MGMT: variants seen among roughly 807,000 people sequenced by gnomAD.
The protein encoded by MGMT is methylated-DNA--protein-cysteine methyltransferase.
In MGMT, 14 loss-of-function variants were observed where a neutral mutation model predicts 15.9. The ratio of observed to expected loss-of-function variants is 0.88; its 90% CI spans 0.58 to 1.37. MGMT has a LOEUF of 1.37. MGMT is among the 40% of genes most tolerant of loss of function. The pLI is 0.00. For synonymous variants in MGMT, 130 were observed against 118.2 expected, an observed-to-expected ratio of 1.10 and a Z score of -0.65; for missense variants, 282 against 268.1, an observed-to-expected ratio of 1.05 and a Z score of -0.36.
intron 4 of MGMT, among the ~76,000 whole-genome samples, chr10:129,760,132 G>A (rs1019116478): frequency 1.2e-4 from 18 of 152,172 alleles, no homozygotes; most frequent in African/African-American, 3.1e-4. Context: ...CGTGGGTGCC[G>A]TTGCTCTCCC....
chr10:129,729,697 G>C (rs554179371), intron 3 of MGMT, among the ~76,000 whole-genome samples: 6 of 152,332 alleles, frequency 3.9e-5, no homozygotes, highest in African/African-American at 1.2e-4. Context: ...TGATATGCCT[G>C]CCGCGTGGCA....
At chr10:129,744,872 A>G (rs1848676195) in intron 3 of MGMT, among the ~76,000 whole-genome samples, 1 of 152,212 alleles carries the variant, frequency 6.6e-6, no homozygotes, top group Non-Finnish European at 1.5e-5. Context: ...ACTGTCTTCC[A>G]GCCTCCCAGG....
chr10:129,611,626 C>G (rs892020468), intron 2 of MGMT, among the ~76,000 whole-genome samples: 2 of 152,114 alleles, frequency 1.3e-5, no homozygotes, highest in African/African-American at 2.4e-5. Context: ...TGCATTATGA[C>G]CTAGTTGCAG....
At chr10:129,692,679 G>T (rs1847983203) in intron 2 of MGMT, among the ~76,000 whole-genome samples, 1 of 152,196 alleles carries the variant, frequency 6.6e-6, no homozygotes, top group Non-Finnish European at 1.5e-5. Context: ...GCCCAGCGTG[G>T]CCATGGCATC....
intron 2 of MGMT, among the ~76,000 whole-genome samples, chr10:129,657,674 A>AACACACACACACACACAC (rs60284981): frequency 2.9e-4 from 27 of 93,510 alleles, no homozygotes; most frequent in African/African-American, 7.9e-4. Context: ...CAGCTCCTCC[A>AACACACACACACACACAC]ACACACACAC....
rs1017418349 is a variant in MGMT at position 129,739,226 on chromosome 10, A to G, written c.275-19976A>G. Among the ~76,000 whole-genome samples the G allele has an allele frequency of 2.0e-5, 3 of 152,204 alleles. No individual in the cohort carries two copies. In the East Asian group the frequency reaches 5.8e-4, roughly 29 times the overall value. On this transcript the variant is annotated intron_variant, in intron 3 of 4. Transcript: ENST00000651593. ...TGAATGGGCAAAACTGGAAACATTC[A>G]CTTTGAAAATCGGCACAAGACAAGG...
chr10:129,536,996 C>T (rs1845993118), intron 2 of MGMT: 1 of 152,152 alleles, frequency 6.6e-6, no homozygotes, highest in Non-Finnish European at 1.5e-5. Context: ...GTACATGTTT[C>T]TCTTTTTGTG....
chr10:129,715,332 G>C (rs889248752), intron 3 of MGMT, among the ~76,000 whole-genome samples: 2 of 152,222 alleles, frequency 1.3e-5, no homozygotes, highest in African/African-American at 4.8e-5. Flanking sequence ...CGTTGGCCTT[G>C]AGTGGACTTC....
intron 2 of MGMT, among the ~76,000 whole-genome samples, chr10:129,564,649 A>ACCCTCCTCTGCTTCCTCC (rs1554911968): frequency 0.053 from 1,200 of 22,666 alleles, 55 homozygotes; most frequent in African/African-American, 0.14. Flanking sequence ...CTGCTTCCTC[A>ACCCTCCTCTGCTTCCTCC]CCCTCCTCTC....
At chr10:129,723,352 G>A (rs1027388632) in intron 3 of MGMT, among the ~76,000 whole-genome samples, 2 of 152,028 alleles carry the variant, frequency 1.3e-5, no homozygotes, top group Non-Finnish European at 2.9e-5. Context: ...AGCTCCCGTG[G>A]ATAACCATTT....
chr10:129,583,276 T>A (rs1846578569), intron 2 of MGMT, among the ~76,000 whole-genome samples: 1 of 152,198 alleles, frequency 6.6e-6, no homozygotes, highest in African/African-American at 2.4e-5. Flanking sequence ...AGTAAACAAT[T>A]ATTCTAAAAT....
chr10:129,549,363 C>G (rs77282203), intron 2 of MGMT, among the ~76,000 whole-genome samples: 7,153 of 152,220 alleles, frequency 0.047, 232 homozygotes, highest in Middle Eastern at 0.078. Context: ...GACATAGTAC[C>G]GTCAGCAGTA....
chr10:129,662,021 C>T lies in MGMT; in HGVS notation c.126-45874C>T, dbSNP rs111923664. ...GGCTCTGTTCTGTCCATTGCTATTC[C>T]TGGGCCAGCTCTTCCCTGATAGTAA... On this transcript the variant is annotated intron_variant, in intron 2 of 4. Coordinates refer to ENST00000651593, the MANE Select transcript of MGMT (RefSeq NM_002412.5). 7.3e-3 allele frequency among the ~76,000 whole-genome samples: 1,110 copies of T among 152,192 alleles called. 7 individuals are homozygous for T. Among genetic ancestry groups the T allele is most frequent in the African/African-American group, 0.025 (1,057 of 41,518 alleles).
At chr10:129,523,377 A>C (rs973317121) in intron 1 of MGMT, among the ~76,000 whole-genome samples, 2 of 150,944 alleles carry the variant, frequency 1.3e-5, no homozygotes, top group East Asian at 4.0e-4. Flanking sequence ...GAGGGAAAAC[A>C]TGGTGTTCTC....
At chr10:129,644,015 T>C (rs1456803899) in intron 2 of MGMT, among the ~76,000 whole-genome samples, 2 of 152,218 alleles carry the variant, frequency 1.3e-5, no homozygotes, top group Non-Finnish European at 2.9e-5. Context: ...TATCTGCAGA[T>C]GCCTACTGTA....
intron 1 of MGMT, among the ~76,000 whole-genome samples, chr10:129,496,947 C>G (rs141585996): frequency 1.4e-3 from 217 of 152,232 alleles, no homozygotes; most frequent in Non-Finnish European, 2.4e-3. Flanking sequence ...CCTACCTCAG[C>G]CTCCCAAAGT....
intron 1 of MGMT, among the ~76,000 whole-genome samples, chr10:129,520,787 C>T (rs1845798159): frequency 6.6e-6 from 1 of 150,922 alleles, no homozygotes; most frequent in African/African-American, 2.4e-5. Flanking sequence ...CTGCAGAGCC[C>T]CTATGGTGCG....
At chr10:129,489,482 A>G (rs548889698) in intron 1 of MGMT, among the ~76,000 whole-genome samples, 1 of 151,978 alleles carries the variant, frequency 6.6e-6, no homozygotes, top group Admixed American at 6.5e-5. Context: ...GCATTTCACA[A>G]TGAGCTTGTC....
At position 129,642,387 on chromosome 10, in the gene MGMT, A is replaced by G. The variant is rs542984499; in HGVS notation, c.126-65508A>G. 9.3e-4 allele frequency among the ~76,000 whole-genome samples: 141 copies of G among 152,298 alleles called. 1 individual carries two copies. The highest frequency in any genetic ancestry group is 3.4e-3 in the African/African-American group (140 of 41,572). On this transcript the variant is annotated intron_variant, in intron 2 of 4. Transcript: ENST00000651593. ...TTTTTTGAAAATGATGTTCCCAGGA[A>G]TCTTTATAACCAAGGAGAATCCTTA...
Sources: allele counts gnomAD v4.1 joint callset (sites outside exome capture counted in the v4.1 genomes callset), GRCh38; gene constraint gnomAD v4.1.1; transcripts MANE v1.5; gene names NCBI Gene and HGNC (gene_info 2026-07-23, HGNC 2026-07-21).